Variants in MSI2 observed in about 807,000 individuals in gnomAD.
MSI2 encodes musashi RNA binding protein 2, also known as RNA-binding protein Musashi homolog 2.
Under a neutral mutation model 45.6 loss-of-function variants are expected in MSI2, and 17 were observed. That is an observed-to-expected ratio of 0.37 (90% CI 0.26 to 0.56). The LOEUF is 0.56. Among genes scored for constraint, MSI2 ranks in the 20% least tolerant of loss-of-function variants. The probability of loss-of-function intolerance (pLI) is 0.77; values close to 1 mark genes in which losing one functional copy is unlikely to be tolerated. For missense variants in MSI2, 293 were observed against 444.2 expected (o/e 0.66, Z 3.06); for synonymous variants, 156 against 158.2 (o/e 0.99, Z 0.11).
intron 6 of MSI2, among the ~76,000 whole-genome samples, chr17:57,475,271 A>G (rs1213880370): frequency 6.6e-6 from 1 of 152,158 alleles, no homozygotes; most frequent in Non-Finnish European, 1.5e-5. Context: ...GTTGAGTGGG[A>G]CACTCACAGT....
chr17:57,527,989 C>G (rs1567879141), intron 6 of MSI2, among the ~76,000 whole-genome samples: 1 of 152,168 alleles, frequency 6.6e-6, no homozygotes, highest in Non-Finnish European at 1.5e-5. Context: ...GCGCCAGCCC[C>G]CAAGCTCATT....
the MSI2 span, among the ~76,000 whole-genome samples, chr17:57,691,200 CA>C: frequency 0.15 from 20,381 of 139,984 alleles, 1,901 homozygotes; most frequent in East Asian, 0.4. Context: ...CTCTCTCTCT[CA>C]TCTATCTATC....
chr17:57,545,851 G>T (rs902760102), intron 7 of MSI2, among the ~76,000 whole-genome samples: 21 of 152,022 alleles, frequency 1.4e-4, no homozygotes, highest in Non-Finnish European at 2.5e-4. Context: ...GATCTTTCGT[G>T]GGAATAACAG....
intron 5 of MSI2, 80 bp downstream of exon 5, chr17:57,262,272 A>G (rs1408514614): frequency 1.0e-5 from 15 of 1,476,174 alleles, no homozygotes; most frequent in East Asian, 2.3e-5. Context: ...AGCATTGGCC[A>G]TGAACTGTTG....
chr17:57,678,790 C>T (rs1473485758), intron 13 of MSI2, among the ~76,000 whole-genome samples: 1 of 152,184 alleles, frequency 6.6e-6, no homozygotes, highest in African/African-American at 2.4e-5. Context: ...CAACTCACCC[C>T]CTTCCAAAAT....
At chr17:57,428,141 A>G (rs1036274000) in intron 6 of MSI2, among the ~76,000 whole-genome samples, 6 of 152,316 alleles carry the variant, frequency 3.9e-5, no homozygotes, top group Middle Eastern at 3.4e-3. Flanking sequence ...ATATATTATA[A>G]TGATCTAAAG....
At chr17:57,273,478 T>C (rs1443396802) in intron 5 of MSI2, among the ~76,000 whole-genome samples, 2 of 141,176 alleles carry the variant, frequency 1.4e-5, no homozygotes, top group African/African-American at 2.7e-5. Flanking sequence ...TTTTTTTTTT[T>C]TTTCTTTTAC....
At chr17:57,623,109 G>C (rs1312271087) in intron 9 of MSI2, among the ~76,000 whole-genome samples, 1 of 152,152 alleles carries the variant, frequency 6.6e-6, no homozygotes, top group Non-Finnish European at 1.5e-5. Flanking sequence ...GTGATTCTGG[G>C]GGCAAAGCAT....
intron 10 of MSI2, among the ~76,000 whole-genome samples, chr17:57,644,957 TCCACTC>T (rs969599793): frequency 4.6e-5 from 7 of 151,952 alleles, no homozygotes; most frequent in Non-Finnish European, 8.8e-5. Context: ...CCCCAGGCAG[TCCACTC>T]CCAGACCAGT....
chr17:57,620,937 C>T (rs1245159911), intron 9 of MSI2, among the ~76,000 whole-genome samples: 1 of 152,174 alleles, frequency 6.6e-6, no homozygotes, highest in Non-Finnish European at 1.5e-5. Context: ...CCTCCTGAGC[C>T]CTCTGTAAAG....
At chr17:57,257,211 T>TCGGGGGGGGGGGGGGGGGGGGGGGG in intron 2 of MSI2, 73 bp downstream of exon 2, 1 of 569,830 alleles carries the variant, frequency 1.8e-6, no homozygotes, top group Non-Finnish European at 2.6e-6. Flanking sequence ...TATCCCGGTG[T>TCGGGGGGGGGGGGGGGGGGGGGGGG]AGGAGCCCCC....
At chr17:57,339,898 C>T (rs1004794468) in intron 5 of MSI2, among the ~76,000 whole-genome samples, 13 of 152,240 alleles carry the variant, frequency 8.5e-5, no homozygotes, top group African/African-American at 3.1e-4. Flanking sequence ...GATGGATTCC[C>T]CAAGGTCCCT....
At chr17:57,694,719 A>G in the MSI2 span, among the ~76,000 whole-genome samples, 525 of 152,312 alleles carry the variant, frequency 3.4e-3, 3 homozygotes, top group African/African-American at 0.012. Context: ...AAAGTAGCTC[A>G]TCAGTACACA....
At chr17:57,588,008 G>A (rs777252126) in intron 7 of MSI2, among the ~76,000 whole-genome samples, 1 of 152,202 alleles carries the variant, frequency 6.6e-6, no homozygotes, top group Non-Finnish European at 1.5e-5. Context: ...GGATGCCACA[G>A]TGGAGGGGCT....
chr17:57,476,331 C>A (rs150928873), intron 6 of MSI2, among the ~76,000 whole-genome samples: 153 of 152,320 alleles, frequency 1.0e-3, no homozygotes, highest in African/African-American at 3.6e-3. Flanking sequence ...GGCACCTTCC[C>A]CTGAGCCTGG....
At chr17:57,582,719 A>G (rs535300297) in intron 7 of MSI2, among the ~76,000 whole-genome samples, 2 of 152,320 alleles carry the variant, frequency 1.3e-5, no homozygotes, top group East Asian at 3.9e-4. Context: ...GTAAATTTCC[A>G]TCTTCCCTGA....
chr17:57,622,435 A>G (rs1232486777), intron 9 of MSI2, among the ~76,000 whole-genome samples: 3 of 152,248 alleles, frequency 2.0e-5, no homozygotes, highest in Middle Eastern at 3.2e-3. Context: ...CGTTGGGCAC[A>G]TGCTGTTTAT....
intron 7 of MSI2, among the ~76,000 whole-genome samples, chr17:57,561,677 G>A (rs888492365): frequency 6.6e-6 from 1 of 152,166 alleles, no homozygotes; most frequent in Non-Finnish European, 1.5e-5. Context: ...CGACAGAAAG[G>A]TAGGAAACCC....
chr17:57,346,428 G>A (rs1915617737), intron 5 of MSI2, among the ~76,000 whole-genome samples: 1 of 151,464 alleles, frequency 6.6e-6, no homozygotes, highest in East Asian at 1.9e-4. Flanking sequence ...CTCTGATAAT[G>A]TGCAGTAAAC....
Sources: allele counts gnomAD v4.1 joint callset (sites outside exome capture counted in the v4.1 genomes callset), GRCh38; gene constraint gnomAD v4.1.1; transcripts MANE v1.5; gene names NCBI Gene and HGNC (gene_info 2026-07-23, HGNC 2026-07-21).